Variants in PCDHA5 observed in about 807,000 individuals in gnomAD.
The protein encoded by PCDHA5 is protocadherin alpha-5.
PCDHA5 carries 43 observed loss-of-function variants against 61.6 expected under a neutral mutation model. That is an observed-to-expected ratio of 0.70 (90% CI 0.55 to 0.90). PCDHA5 has a LOEUF of 0.90. PCDHA5 is among the 40% of genes least tolerant of loss of function. PCDHA5 has a pLI of 0.00. For synonymous variants in PCDHA5, 627 were observed against 543.9 expected, an observed-to-expected ratio of 1.15 and a Z score of -2.13; for missense variants, 1,298 against 1,222.7, an observed-to-expected ratio of 1.06 and a Z score of -0.92.
At chr5:140,956,381 G>T (rs1380347643) in intron 1 of PCDHA5, among the ~76,000 whole-genome samples, 2 of 152,090 alleles carry the variant, frequency 1.3e-5, no homozygotes, top group African/African-American at 4.8e-5. Context: ...TTTTATCGAA[G>T]GCCTTTTCTG....
chr5:140,877,713 T>C (rs2057302382), intron 1 of PCDHA5: 1 of 1,613,318 alleles, frequency 6.2e-7, no homozygotes, highest in African/African-American at 1.3e-5. Flanking sequence ...CCGTGGGGAG[T>C]TGGTCTTACT....
chr5:140,979,383 T>C (rs2096847136), intron 2 of PCDHA5, among the ~76,000 whole-genome samples: 1 of 152,220 alleles, frequency 6.6e-6, no homozygotes, highest in Admixed American at 6.5e-5. Context: ...CATTGTGCAA[T>C]GTATACATAC....
rs781920660 is a variant in PCDHA5 at position 140,857,284 on chromosome 5, G to A, written c.2352+33157G>A. On this transcript the variant is annotated intron_variant, in intron 1 of 3. Transcript: ENST00000529859. Reference sequence around the variant, plus strand: ...ACTCATTGGTGCTGGACAGCGCTCTGGACCGCGAGAGGGTGTCGGCCTATG... The same window carrying A: ...ACTCATTGGTGCTGGACAGCGCTCTAGACCGCGAGAGGGTGTCGGCCTATG... 4 of 1,598,734 alleles carry A rather than the reference G, an allele frequency of 2.5e-6. 1 individual carries two copies. Among genetic ancestry groups the A allele is most frequent in the Non-Finnish European group, 2.6e-6 (3 of 1,168,028 alleles).
At chr5:140,967,099 T>G in intron 1 of PCDHA5, 1 of 1,613,074 alleles carries the variant, frequency 6.2e-7, no homozygotes, top group Non-Finnish European at 8.5e-7. Context: ...AGGCGCTGTG[T>G]GAGCAGCGGC....
chr5:140,968,832 C>A (rs1554231147), intron 1 of PCDHA5: 1 of 1,614,200 alleles, frequency 6.2e-7, no homozygotes, highest in East Asian at 2.2e-5. Flanking sequence ...AAAATCCTCC[C>A]TGACACTCAG....
chr5:140,851,482 A>G lies in PCDHA5; in HGVS notation c.2352+27355A>G, dbSNP rs920921115. ...AATTATGTCAATAAATGTTATAAAC[A>G]CAGCCTTCATTTCAACTTATATAAA... On this transcript the variant is annotated intron_variant, in intron 1 of 3. Coordinates refer to ENST00000529859, the MANE Select transcript of PCDHA5 (RefSeq NM_018908.3). 35 of 893,414 alleles carry G rather than the reference A, an allele frequency of 3.9e-5. 3 individuals carry two copies. The highest frequency in any genetic ancestry group is 4.2e-5 in the Non-Finnish European group (31 of 732,620). The allele number at this position is 893,414 out of a possible 1,614,324, so 55.3% of individuals were successfully genotyped here. A position where few individuals can be genotyped will look rare whatever the true frequency, so the allele number is the denominator to read the frequency against.
At chr5:140,981,479 C>T (rs1275257398) in intron 2 of PCDHA5, among the ~76,000 whole-genome samples, 20 of 152,148 alleles carry the variant, frequency 1.3e-4, no homozygotes, top group African/African-American at 4.8e-4. Flanking sequence ...GAGGCTGAGG[C>T]AGGAGAATTG....
At chr5:140,850,132 G>A (rs2150469208) in intron 1 of PCDHA5, 1 of 1,595,756 alleles carries the variant, frequency 6.3e-7, no homozygotes, top group East Asian at 2.2e-5. Flanking sequence ...CCGCCTCTGG[G>A]CAGCAACGTG....
chr5:140,822,998 T>C lies in PCDHA5; in HGVS notation c.1223T>C (p.Leu408Pro), dbSNP rs2150121149. 1 of 1,614,240 alleles carries C rather than the reference T, an allele frequency of 6.2e-7. No individual in the cohort carries two copies. Among genetic ancestry groups the C allele is most frequent in the South Asian group, 1.1e-5 (1 of 91,088 alleles). Residue 408 changes from leucine (L) to proline (P), a missense_variant, in exon 1 of 4, where the codon CTG (leucine) becomes CCG (proline). Physicochemically the swap from Leu to Pro is moderately conservative, Grantham distance 98. Transcript: ENST00000529859. ...STFKNYYSLV[L>P]DSALDRESVS... ...TTCAAGAATTACTACTCGTTGGTGCTGGACAGCGCCCTGGACCGCGAGAGC... is the reference window on the plus strand; with the variant it reads ...TTCAAGAATTACTACTCGTTGGTGCCGGACAGCGCCCTGGACCGCGAGAGC...
At chr5:140,856,240 G>A in intron 1 of PCDHA5, 1 of 1,598,050 alleles carries the variant, frequency 6.3e-7, no homozygotes, top group Non-Finnish European at 8.6e-7. Flanking sequence ...GCCTGTTCCG[G>A]GTGGCGTCCA....
intron 1 of PCDHA5, chr5:140,968,425 C>T (rs1195446919): frequency 6.2e-7 from 1 of 1,613,832 alleles, no homozygotes; most frequent in Non-Finnish European, 8.5e-7. Flanking sequence ...AGGCTCAGGA[C>T]AAGGGGAGCC....
intron 1 of PCDHA5, chr5:140,883,520 G>T (rs1554178526): frequency 6.2e-7 from 1 of 1,614,104 alleles, no homozygotes; most frequent in African/African-American, 1.3e-5. Context: ...CCGCGAGAGC[G>T]TATCAGCCTA....
At chr5:140,873,260 G>A (rs1252265709) in intron 1 of PCDHA5, among the ~76,000 whole-genome samples, 2 of 152,146 alleles carry the variant, frequency 1.3e-5, no homozygotes, top group Non-Finnish European at 2.9e-5. Context: ...AGACTCAAAA[G>A]TGATTAAACC....
At chr5:140,907,647 G>A (rs1336039908) in intron 1 of PCDHA5, among the ~76,000 whole-genome samples, 1 of 152,192 alleles carries the variant, frequency 6.6e-6, no homozygotes, top group East Asian at 1.9e-4. Flanking sequence ...CTGGCAAATT[G>A]GGCACTCAGC....
chr5:140,881,655 C>T (rs1336529643), intron 1 of PCDHA5, among the ~76,000 whole-genome samples: 1 of 152,120 alleles, frequency 6.6e-6, no homozygotes, highest in Non-Finnish European at 1.5e-5. Flanking sequence ...TCACCTTCAC[C>T]GATTTTATTC....
At position 140,978,933 on chromosome 5, in the gene PCDHA5, C is replaced by CT. The variant is rs1179085898; in HGVS notation, c.2353-13dup. The stretch of plus-strand genomic sequence containing the variant: ...TCTTGTCATTTTAACAGAAAACTCT[C>CT]TTTGTGATTTTGCAGCCACGACAGC... On this transcript the variant is annotated splice_polypyrimidine_tract_variant and intron_variant, in intron 1 of 3. Coordinates refer to ENST00000529859, the MANE Select transcript of PCDHA5 (RefSeq NM_018908.3). 8 of 1,613,976 alleles carry CT rather than the reference C, an allele frequency of 5.0e-6. No homozygotes were observed. The highest frequency in any genetic ancestry group is 1.7e-5 in the Admixed American group (1 of 59,984).
chr5:140,856,759 C>T lies in PCDHA5; in HGVS notation c.2352+32632C>T, dbSNP rs148775418. On this transcript the variant is annotated intron_variant, in intron 1 of 3. Coordinates refer to ENST00000529859, the MANE Select transcript of PCDHA5 (RefSeq NM_018908.3). ...TCCTGGTGTTAGATGCCAATGATAA[C>T]GCCCCTATCTTTGACAGACCGGTTT... 33 of 1,596,270 alleles carry T rather than the reference C, an allele frequency of 2.1e-5. 4 individuals carry two copies. Among genetic ancestry groups the T allele is most frequent in the Non-Finnish European group, 2.6e-5 (30 of 1,166,452 alleles).
chr5:140,838,514 G>A (rs1775767521), intron 1 of PCDHA5, among the ~76,000 whole-genome samples: 1 of 151,652 alleles, frequency 6.6e-6, no homozygotes, highest in African/African-American at 2.4e-5. Context: ...AAAAGTATTT[G>A]CATCTTATTT....
At chr5:140,858,377 T>C in intron 1 of PCDHA5, 3 of 1,587,044 alleles carry the variant, frequency 1.9e-6, no homozygotes, top group Non-Finnish European at 2.6e-6. Flanking sequence ...CCTTCCACCA[T>C]GCCCAATGGT....
Sources: allele counts gnomAD v4.1 joint callset (sites outside exome capture counted in the v4.1 genomes callset), GRCh38; gene constraint gnomAD v4.1.1; transcripts MANE v1.5; gene names NCBI Gene and HGNC (gene_info 2026-07-23, HGNC 2026-07-21).